Variants in MSRA observed in about 807,000 individuals in gnomAD.
MSRA encodes mitochondrial peptide methionine sulfoxide reductase.
Under a neutral mutation model 31.3 loss-of-function variants are expected in MSRA, and 54 were observed. The observed-to-expected ratio is 1.73, with a 90% CI of 1.39 to 2.17. MSRA has a LOEUF of 2.17. Ranked by LOEUF, MSRA falls within the 30% of genes most tolerant of loss-of-function variation. The probability of loss-of-function intolerance (pLI) is 0.00; values close to 1 mark genes in which losing one functional copy is unlikely to be tolerated. For missense variants in MSRA, 507 were observed against 300.9 expected (o/e 1.69, Z -5.07); for synonymous variants, 169 against 116.5 (o/e 1.45, Z -2.90).
At chr8:10,193,893 C>T (rs1469507652) in intron 1 of MSRA, among the ~76,000 whole-genome samples, 3 of 151,980 alleles carry the variant, frequency 2.0e-5, no homozygotes, top group African/African-American at 7.3e-5. Context: ...AAAAATCTAC[C>T]CACTTATTGA....
intron 3 of MSRA, among the ~76,000 whole-genome samples, chr8:10,278,243 G>T (rs948852339): frequency 6.6e-6 from 1 of 152,108 alleles, no homozygotes; most frequent in Non-Finnish European, 1.5e-5. Flanking sequence ...AGTACCTTCG[G>T]GTCTCTGTCT....
chr8:10,323,816 G>A (rs112266270), intron 5 of MSRA, among the ~76,000 whole-genome samples: 1 of 151,368 alleles, frequency 6.6e-6, no homozygotes, highest in Non-Finnish European at 1.5e-5. Context: ...CTATGTGTCT[G>A]TTTGGCTTTT....
chr8:10,141,422 A>G (rs183610711), intron 1 of MSRA, among the ~76,000 whole-genome samples: 2 of 152,134 alleles, frequency 1.3e-5, no homozygotes, highest in East Asian at 3.9e-4. Context: ...AGGAAAACGC[A>G]CTCCAATGCA....
At chr8:10,249,681 C>G (rs1228078860) in intron 3 of MSRA, among the ~76,000 whole-genome samples, 1 of 152,156 alleles carries the variant, frequency 6.6e-6, no homozygotes, top group Non-Finnish European at 1.5e-5. Context: ...AGGGTAGCAT[C>G]TCTCATGGCC....
chr8:10,074,233 C>T (rs2128919839), intron 1 of MSRA, among the ~76,000 whole-genome samples: 1 of 151,670 alleles, frequency 6.6e-6, no homozygotes, highest in East Asian at 1.9e-4. Context: ...CATGCACCCG[C>T]CACCATGCCC....
At chr8:10,373,170 C>G (rs933208950) in intron 5 of MSRA, among the ~76,000 whole-genome samples, 1 of 152,214 alleles carries the variant, frequency 6.6e-6, no homozygotes, top group African/African-American at 2.4e-5. Flanking sequence ...GGATTACAAG[C>G]GTGAGCCACC....
chr8:10,250,115 G>GCACA (rs145079799), intron 3 of MSRA, among the ~76,000 whole-genome samples: 6 of 150,252 alleles, frequency 4.0e-5, no homozygotes, highest in African/African-American at 1.2e-4. Context: ...CTTTACACAT[G>GCACA]CACACACACA....
At chr8:10,280,012 T>A (rs1002077760) in intron 3 of MSRA, among the ~76,000 whole-genome samples, 1 of 152,228 alleles carries the variant, frequency 6.6e-6, no homozygotes, top group African/African-American at 2.4e-5. Flanking sequence ...TTTTCTAAAA[T>A]AGTTATTAAA....
At chr8:10,269,973 G>C (rs1220518040) in intron 3 of MSRA, among the ~76,000 whole-genome samples, 2 of 152,180 alleles carry the variant, frequency 1.3e-5, no homozygotes, top group East Asian at 1.9e-4. Context: ...CTCTCTCTGT[G>C]ACCGTGGAAA....
chr8:10,155,159 G>A (rs904853527), intron 1 of MSRA, among the ~76,000 whole-genome samples: 25 of 152,104 alleles, frequency 1.6e-4, no homozygotes, highest in African/African-American at 6.0e-4. Context: ...ACGACAATAA[G>A]GATAAAGAAA....
At chr8:10,318,649 A>C (rs1240885022) in intron 4 of MSRA, among the ~76,000 whole-genome samples, 1 of 152,140 alleles carries the variant, frequency 6.6e-6, no homozygotes, top group African/African-American at 2.4e-5. Context: ...ATGACAGTCA[A>C]ATATTTCGTT....
At chr8:10,138,435 G>A (rs548287534) in intron 1 of MSRA, among the ~76,000 whole-genome samples, 1 of 152,216 alleles carries the variant, frequency 6.6e-6, no homozygotes, top group Admixed American at 6.5e-5. Flanking sequence ...GAGCATTCTG[G>A]CCCACGGGAC....
chr8:10,260,651 G>A (rs1477975867), intron 3 of MSRA, among the ~76,000 whole-genome samples: 2 of 152,156 alleles, frequency 1.3e-5, no homozygotes, highest in Non-Finnish European at 2.9e-5. Context: ...GGTAGACACA[G>A]GTGCCCCTGA....
intron 5 of MSRA, among the ~76,000 whole-genome samples, chr8:10,323,132 C>T (rs1199135750): frequency 2.0e-5 from 3 of 151,448 alleles, no homozygotes; most frequent in African/African-American, 4.9e-5. Context: ...GCTTAGTACC[C>T]GAGGAACTGA....
chr8:10,339,845 G>C (rs1208124340), intron 5 of MSRA, among the ~76,000 whole-genome samples: 2 of 151,950 alleles, frequency 1.3e-5, no homozygotes, highest in African/African-American at 2.4e-5. Flanking sequence ...CCGGCAGCAA[G>C]GGGTTTTCAA....
intron 3 of MSRA, among the ~76,000 whole-genome samples, chr8:10,291,673 G>C (rs562323757): frequency 6.6e-6 from 1 of 151,928 alleles, no homozygotes; most frequent in Non-Finnish European, 1.5e-5. Flanking sequence ...ACCCACCCTC[G>C]CCCCTTTCTC....
intron 3 of MSRA, among the ~76,000 whole-genome samples, chr8:10,268,297 C>T (rs1040315058): frequency 6.6e-6 from 1 of 152,206 alleles, no homozygotes. Context: ...AAAATTGCTT[C>T]TGTGGGCACT....
chr8:10,169,959 A>G (rs1585083085), intron 1 of MSRA, among the ~76,000 whole-genome samples: 1 of 138,204 alleles, frequency 7.2e-6, no homozygotes, highest in South Asian at 2.2e-4. Flanking sequence ...CTTGTCACCC[A>G]GGCTAGAGTA....
intron 1 of MSRA, among the ~76,000 whole-genome samples, chr8:10,206,007 A>G (rs192640644): frequency 2.0e-4 from 30 of 152,310 alleles, no homozygotes; most frequent in Admixed American, 5.2e-4. Flanking sequence ...ATTACAGGTA[A>G]TACTTTCATA....
Sources: allele counts gnomAD v4.1 joint callset (sites outside exome capture counted in the v4.1 genomes callset), GRCh38; gene constraint gnomAD v4.1.1; transcripts MANE v1.5; gene names NCBI Gene and HGNC (gene_info 2026-07-23, HGNC 2026-07-21).